Variants in TSPEAR observed in about 807,000 individuals in gnomAD.
TSPEAR encodes the protein thrombospondin-type laminin G domain and EAR repeat-containing protein.
In TSPEAR, 69 loss-of-function variants were observed where a neutral mutation model predicts 71.6. The observed-to-expected ratio is 0.96, with a 90% CI of 0.79 to 1.18. The LOEUF (loss-of-function observed/expected upper bound fraction) is 1.18, where lower values mean the gene tolerates loss of function less well. Ranked by LOEUF, TSPEAR falls within the 50% of genes most tolerant of loss-of-function variation. The probability of loss-of-function intolerance (pLI) is 0.00; values close to 1 mark genes in which losing one functional copy is unlikely to be tolerated. For missense variants in TSPEAR, 971 were observed against 894.9 expected, an observed-to-expected ratio of 1.09 and a Z score of -1.09; for synonymous variants, 402 against 387.2, an observed-to-expected ratio of 1.04 and a Z score of -0.45.
chr21:44,533,056 G>A (rs1343445170), intron 3 of TSPEAR, among the ~76,000 whole-genome samples: 2 of 152,226 alleles, frequency 1.3e-5, no homozygotes, highest in Non-Finnish European at 2.9e-5. Context: ...AGTCCCCTGA[G>A]CTACTTCTGG....
intron 1 of TSPEAR, among the ~76,000 whole-genome samples, chr21:44,657,735 C>T (rs1555942805): frequency 1.3e-5 from 2 of 152,188 alleles, no homozygotes; most frequent in Non-Finnish European, 2.9e-5. Flanking sequence ...AACGTCAAAC[C>T]AGAACATCCT....
intron 1 of TSPEAR, among the ~76,000 whole-genome samples, chr21:44,614,469 G>A (rs1981940588): frequency 6.6e-6 from 1 of 152,240 alleles, no homozygotes; most frequent in Non-Finnish European, 1.5e-5. Context: ...ATTCGTGAGT[G>A]ACCAATCCCA....
rs587689973 is a variant in TSPEAR at position 44,551,555 on chromosome 21, T to C, written c.303+16230A>G. 78 of 1,500,690 alleles carry C rather than the reference T, an allele frequency of 5.2e-5. 1 individual carries two copies. The South Asian group carries it at 8.4e-4, about 16-fold the overall frequency. The allele number at this position is 1,500,690 out of a possible 1,614,324, so 93.0% of individuals were successfully genotyped here. A position where few individuals can be genotyped will look rare whatever the true frequency, so the allele number is the denominator to read the frequency against. On this transcript the variant is annotated intron_variant, in intron 2 of 11. Transcript: ENST00000323084. ...GTGTGTGTGTGAGCCTGTTGGCTGC[T>C]GGGGCTTTTATATGCCCAGGGCCTG...
Position 44,666,681 on chromosome 21 carries a change from C to T in TSPEAR, c.82+44752G>A. On this transcript the variant is annotated intron_variant, in intron 1 of 11. Coordinates refer to ENST00000323084, the MANE Select transcript of TSPEAR (RefSeq NM_144991.3). ...GGGCACGCACACAGCTGACTTGAAG[C>T]TCATGGGCACACACACAGAAGACTG... is the stretch of plus-strand genomic sequence containing the variant. The T allele has an allele frequency of 1.9e-6, 3 of 1,613,098 alleles. No individual in the cohort carries two copies. In the South Asian group the frequency reaches 3.3e-5, roughly 18 times the overall value.
At chr21:44,542,003 G>A (rs1006661140) in intron 2 of TSPEAR, among the ~76,000 whole-genome samples, 28 of 151,404 alleles carry the variant, frequency 1.8e-4, no homozygotes, top group African/African-American at 6.1e-4. Flanking sequence ...AAACAAACAA[G>A]AGAAACAGAC....
chr21:44,669,539 C>T (rs1555945499), intron 1 of TSPEAR, among the ~76,000 whole-genome samples: 3 of 152,178 alleles, frequency 2.0e-5, no homozygotes, highest in African/African-American at 7.2e-5. Context: ...GGTTGGAGGG[C>T]TGTACTTTCA....
chr21:44,552,793 T>C (rs1180767841), intron 2 of TSPEAR, among the ~76,000 whole-genome samples: 1 of 152,186 alleles, frequency 6.6e-6, no homozygotes, highest in African/African-American at 2.4e-5. Context: ...AAATTCCATC[T>C]GAACCTGGGG....
At chr21:44,649,902 T>C (rs1171664120) in intron 1 of TSPEAR, among the ~76,000 whole-genome samples, 2 of 152,126 alleles carry the variant, frequency 1.3e-5, no homozygotes, top group Admixed American at 1.3e-4. Context: ...ACCGACCTCT[T>C]TCCTGGGCTG....
chr21:44,599,552 A>G (rs1385841758), intron 1 of TSPEAR, among the ~76,000 whole-genome samples: 1 of 152,234 alleles, frequency 6.6e-6, no homozygotes, highest in Non-Finnish European at 1.5e-5. Flanking sequence ...GGTGGGGTCC[A>G]CAGTCAGGGT....
intron 1 of TSPEAR, among the ~76,000 whole-genome samples, chr21:44,615,097 C>T (rs1283618362): frequency 6.6e-6 from 1 of 152,224 alleles, no homozygotes; most frequent in Non-Finnish European, 1.5e-5. Flanking sequence ...GGGGCCGTAT[C>T]CTACCATGTG....
intron 9 of TSPEAR, among the ~76,000 whole-genome samples, chr21:44,512,525 C>T (rs2052420919): frequency 6.6e-6 from 1 of 152,136 alleles, no homozygotes; most frequent in Admixed American, 6.5e-5. Flanking sequence ...TGTGTGAGCC[C>T]TGGGGAGGGG....
At chr21:44,537,319 A>T (rs2053105836) in intron 2 of TSPEAR, among the ~76,000 whole-genome samples, 1 of 152,242 alleles carries the variant, frequency 6.6e-6, no homozygotes, top group Admixed American at 6.5e-5. Flanking sequence ...ATACTGGAAA[A>T]GCTTTCTAAA....
intron 1 of TSPEAR, chr21:44,646,895 G>T: frequency 6.2e-7 from 1 of 1,612,926 alleles, no homozygotes; most frequent in South Asian, 1.1e-5. Flanking sequence ...CAGCCGGCCT[G>T]CTGTGTGCCC....
At chr21:44,573,403 C>T (rs587768232) in intron 1 of TSPEAR, among the ~76,000 whole-genome samples, 46 of 151,956 alleles carry the variant, frequency 3.0e-4, no homozygotes, top group African/African-American at 7.2e-4. Context: ...CCCCATAGCC[C>T]GGCACACACG....
chr21:44,523,292 AGTCAGTCAGTCAGTTT>A lies in TSPEAR; in HGVS notation c.1337-1196_1337-1181del, dbSNP rs1329380473. Among the ~76,000 whole-genome samples, 87 of 151,392 alleles carry A rather than the reference AGTCAGTCAGTCAGTTT, an allele frequency of 5.7e-4. No individual in the cohort carries two copies. The East Asian group carries it at 0.016, about 28-fold the overall frequency. Reference sequence around the variant, plus strand: ...CAGCCAATTAGTCAGTGAGGTATTCAGTCAGTCAGTCAGTTTGTCAGTCAGTCAGGTAGGTAGTCAC... The same window carrying A: ...CAGCCAATTAGTCAGTGAGGTATTCAGTCAGTCAGTCAGGTAGGTAGTCAC... On this transcript the variant is annotated intron_variant, in intron 8 of 11. Transcript: ENST00000323084.
chr21:44,634,636 C>T (rs1221955151), intron 1 of TSPEAR, among the ~76,000 whole-genome samples: 1 of 152,120 alleles, frequency 6.6e-6, no homozygotes, highest in Non-Finnish European at 1.5e-5. Flanking sequence ...AATTCAACAA[C>T]AAAAAGTCAA....
intron 1 of TSPEAR, among the ~76,000 whole-genome samples, chr21:44,577,442 C>T (rs587728208): frequency 3.2e-4 from 48 of 152,286 alleles, no homozygotes; most frequent in African/African-American, 1.1e-3. Flanking sequence ...AAGCTTTACT[C>T]ATGGTGGAAG....
Position 44,533,741 on chromosome 21 carries a change from C to T in TSPEAR, c.486G>A (p.Leu162=). Residue 162 remains leucine, a synonymous_variant, in exon 3 of 12, where the codon CTG becomes CTA. Transcript: ENST00000323084. ...LVDGRWHTLV[L]AVSAGVFSLT... ...GGGAGAAGACGCCTGCGGACACAGCCAGGACCAGTGTGTGCCAGCGGCCAT... is the reference window on the plus strand; with the variant it reads ...GGGAGAAGACGCCTGCGGACACAGCTAGGACCAGTGTGTGCCAGCGGCCAT... The T allele has an allele frequency of 6.2e-7, 1 of 1,612,440 alleles. No individual in the cohort carries two copies. The highest frequency in any genetic ancestry group is 8.5e-7 in the Non-Finnish European group (1 of 1,179,852).
chr21:44,639,711 C>T (rs1555938134), intron 1 of TSPEAR, among the ~76,000 whole-genome samples: 4 of 152,206 alleles, frequency 2.6e-5, no homozygotes, highest in African/African-American at 7.2e-5. Flanking sequence ...ATGTCTGAGC[C>T]CCACATCACT....
Sources: allele counts gnomAD v4.1 joint callset (sites outside exome capture counted in the v4.1 genomes callset), GRCh38; gene constraint gnomAD v4.1.1; transcripts MANE v1.5; gene names NCBI Gene and HGNC (gene_info 2026-07-23, HGNC 2026-07-21).